The following USP36 variants were observed in gnomAD, a reference collection of about 807,000 sequenced individuals.
USP36 encodes the protein ubiquitin specific peptidase 36, also known as ubiquitin carboxyl-terminal hydrolase 36.
In USP36, 59 loss-of-function variants were observed where a neutral mutation model predicts 111.5. The ratio of observed to expected loss-of-function variants is 0.53; its 90% CI spans 0.43 to 0.66. The LOEUF is 0.66. Ranked by LOEUF, USP36 falls within the 30% of genes least tolerant of loss-of-function variation. USP36 has a pLI of 0.00. For missense variants in USP36, 1,488 were observed against 1,468.0 expected, an observed-to-expected ratio of 1.01 and a Z score of -0.22; for synonymous variants, 628 against 581.0, an observed-to-expected ratio of 1.08 and a Z score of -1.16.
chr17:78,828,041 T>C (rs532965149), intron 5 of USP36, among the ~76,000 whole-genome samples: 4 of 152,298 alleles, frequency 2.6e-5, no homozygotes, highest in African/African-American at 7.2e-5. Context: ...CTGGGCAACA[T>C]GGCCAGACCC....
In USP36 at chr17:78,824,492, G is replaced by A. The variant is rs149649666; in HGVS notation, c.690-2488C>T. On this transcript the variant is annotated intron_variant, in intron 6 of 20. Transcript: ENST00000449938. Reference sequence around the variant, plus strand: ...CCAGGAGGTGGAGCCTGCCGTGAGCGGAGATTGCACCACTGCACTCTAGCC... The same window carrying A: ...CCAGGAGGTGGAGCCTGCCGTGAGCAGAGATTGCACCACTGCACTCTAGCC... 1.8e-3 allele frequency among the ~76,000 whole-genome samples: 278 copies of A among 152,202 alleles called. 2 individuals carry two copies. The highest frequency in any genetic ancestry group is 6.2e-3 in the African/African-American group (256 of 41,544).
chr17:78,803,971 A>T lies in USP36; in HGVS notation c.2224T>A (p.Ser742Thr). The T allele has an allele frequency of 6.3e-7, 1 of 1,592,640 alleles. No homozygotes were observed. The highest frequency in any genetic ancestry group is 8.5e-7 in the Non-Finnish European group (1 of 1,173,704). Residue 742 changes from serine (S) to threonine (T), a missense_variant, in exon 16 of 21, where the codon TCA becomes ACA. Physicochemically the swap from Ser to Thr is moderately conservative, Grantham distance 58. This residue lies in a region of USP36 where 1,073 missense variants were observed against 994.1 expected (regional missense o/e 1.08). Coordinates refer to ENST00000449938, the MANE Select transcript of USP36 (RefSeq NM_001385174.1). The surrounding 1 kb of genome is among the most constrained non-coding windows in gnomAD (Gnocchi z 4.6). The part of the protein sequence containing the change: ...TWPVHRARAV[S>T]PAPQSSSRLQ... ...CGGCTGGATGATTGGGGAGCAGGTG[A>T]CACAGCCCTGTGGGGACAGCCAGGA...
At position 78,798,385 on chromosome 17, in the gene USP36, C is replaced by G. The variant is rs367602203; in HGVS notation, c.*20+15G>C. 187 of 1,613,196 alleles carry G rather than the reference C, an allele frequency of 1.2e-4. No homozygotes were observed. The highest frequency in any genetic ancestry group is 1.6e-4 in the Middle Eastern group (1 of 6,082). On this transcript the variant is annotated intron_variant, in intron 20 of 20. Transcript: ENST00000449938. The surrounding 1 kb of genome is among the most constrained non-coding windows in gnomAD (Gnocchi z 5.1). ...ACCCCCACCTCACCCTTACACCCAC[C>G]CCCTCGGAACCGACCTCCTTCCACA...
chr17:78,800,111 G>GA (rs1464618857), intron 17 of USP36, among the ~76,000 whole-genome samples: 1 of 141,784 alleles, frequency 7.1e-6, no homozygotes, highest in Non-Finnish European at 1.5e-5. Flanking sequence ...AGAAAACATG[G>GA]AAAATAACAA....
At chr17:78,806,928 C>T (rs773387266) in intron 14 of USP36, 31 bp downstream of exon 14, 3 of 1,606,346 alleles carry the variant, frequency 1.9e-6, no homozygotes, top group Non-Finnish European at 2.6e-6. Flanking sequence ...TCTCCTGATA[C>T]ACAGCAGCGG....
In USP36 at chr17:78,813,811, C is replaced by T; in HGVS notation, c.1227G>A (p.Val409=). The change falls in exon 12 of 21, where the codon GTG becomes GTA. Residue 409 remains valine, a synonymous_variant. Transcript: ENST00000449938. ...GCACGTAGGCCTGCTGGTTCAGAAC[C>T]ACCTTGACGTTGCTGGAATGGACCA... ...DSLVHSSNVK[V]VLNQQAYVLF... is the part of the protein sequence containing the mutation. 1.9e-6 allele frequency: 3 copies of T among 1,614,150 alleles called. No individual in the cohort carries two copies. The highest frequency in any genetic ancestry group is 8.5e-7 in the Non-Finnish European group (1 of 1,180,008).
chr17:78,832,293 C>T lies in USP36; in HGVS notation c.475+2987G>A, dbSNP rs548354148. 3.9e-5 allele frequency among the ~76,000 whole-genome samples: 6 copies of T among 152,334 alleles called. No individual in the cohort carries two copies. In the East Asian group the frequency reaches 1.2e-3, roughly 29 times the overall value. On this transcript the variant is annotated intron_variant, in intron 4 of 20. Transcript: ENST00000449938. The stretch of plus-strand genomic sequence containing the variant: ...AGTGGACCCTCGTCAGAACAAACAC[C>T]CCTTAGGATCCTCAACTCTTCAAAT...
intron 13 of USP36, among the ~76,000 whole-genome samples, chr17:78,811,130 CAAAAAAAAAA>C (rs969048033): frequency 3.5e-5 from 1 of 28,350 alleles, no homozygotes; most frequent in Non-Finnish European, 7.5e-5. Flanking sequence ...GACTCTGTCT[CAAAAAAAAAA>C]AAAAAAAAAA....
At chr17:78,804,993 G>A (rs1041833907) in intron 15 of USP36, among the ~76,000 whole-genome samples, 2 of 152,126 alleles carry the variant, frequency 1.3e-5, no homozygotes, top group African/African-American at 4.8e-5. Flanking sequence ...CGCTGAAACC[G>A]GGACACAGAT....
At chr17:78,788,761 G>A (rs773164578) in intron 3 of USP36, among the ~76,000 whole-genome samples, 11 of 152,078 alleles carry the variant, frequency 7.2e-5, no homozygotes, top group Admixed American at 1.3e-4. Flanking sequence ...CATCATCTAC[G>A]GCCTCCCCTC....
chr17:78,831,249 AAAAAG>A (rs2068073452), intron 4 of USP36, among the ~76,000 whole-genome samples: 4 of 148,840 alleles, frequency 2.7e-5, no homozygotes, highest in African/African-American at 9.9e-5. Context: ...AAAAAAAAAA[AAAAAG>A]GGACAACATA....
chr17:78,826,924 A>C (rs2067595156), intron 6 of USP36: 2 of 596,228 alleles, frequency 3.4e-6, no homozygotes, highest in Non-Finnish European at 6.0e-6. Context: ...TAAGAACTGA[A>C]TGCCCCTAAG....
chr17:78,803,279 G>C lies in USP36; in HGVS notation c.2810+106C>G. Reference sequence around the variant, plus strand: ...ACAAATCCACATTTTAGAAAACCACGCAAGCAGACTACGTTTCCAGACCAT... The same window carrying C: ...ACAAATCCACATTTTAGAAAACCACCCAAGCAGACTACGTTTCCAGACCAT... On this transcript the variant is annotated intron_variant, in intron 16 of 20. Transcript: ENST00000449938. This position sits in a 1 kb window ranked among gnomAD's most constrained non-coding sequence, Gnocchi z 4.6. 2.4e-6 allele frequency: 3 copies of C among 1,269,514 alleles called. No homozygotes were observed. In the South Asian group the frequency reaches 4.3e-5, roughly 18 times the overall value. 78.6% of individuals were successfully genotyped at this position (1,269,514 alleles called of 1,614,324 possible). A position where few individuals can be genotyped will look rare whatever the true frequency, so the allele number is the denominator to read the frequency against.
intron 1 of USP36, among the ~76,000 whole-genome samples, chr17:78,840,169 G>A (rs1316237089): frequency 6.6e-6 from 1 of 152,180 alleles, no homozygotes; most frequent in Non-Finnish European, 1.5e-5. Context: ...ACGTAAACGG[G>A]GGCGCGCGGA....
chr17:78,841,277 G>T (rs2069265994), upstream of USP36: 1 of 152,344 alleles, frequency 6.6e-6, no homozygotes, highest in Admixed American at 6.5e-5. Context: ...CTGGCCGTCA[G>T]GTGGCTGTGG....
At position 78,803,934 on chromosome 17, in the gene USP36, G is replaced by A. The variant is rs1598987164; in HGVS notation, c.2261C>T (p.Pro754Leu). The A allele has an allele frequency of 1.2e-6, 2 of 1,604,080 alleles. No individual in the cohort carries two copies. Among genetic ancestry groups the A allele is most frequent in the Non-Finnish European group, 1.7e-6 (2 of 1,177,216 alleles). Residue 754 changes from proline (P) to leucine (L), a missense_variant, in exon 16 of 21, where the codon CCC (proline) becomes CTC (leucine). By Grantham distance (98) the Pro-to-Leu change is moderately conservative (BLOSUM62 -3). Transcript: ENST00000449938. The surrounding 1 kb of genome is among the most constrained non-coding windows in gnomAD (Gnocchi z 4.6). ...APQSSSRLQPPFSPHPTLLSS... is the reference protein window; with the variant it reads ...APQSSSRLQPLFSPHPTLLSS... ...CAGCAATGTGGGGTGGGGGCTGAAG[G>A]GGGGTTGCAGGCGGCTGGATGATTG... is the stretch of plus-strand genomic sequence containing the variant.
In USP36 at chr17:78,812,799, G is replaced by T; in HGVS notation, c.1407+61C>A. Reference sequence around the variant, plus strand: ...CCACTGTGGCCAACTTCCCAAGTGTGAGGAGGTCTGTGAGGAGCACCAAGA... The same window carrying T: ...CCACTGTGGCCAACTTCCCAAGTGTTAGGAGGTCTGTGAGGAGCACCAAGA... On this transcript the variant is annotated intron_variant, in intron 13 of 20. Coordinates refer to ENST00000449938, the MANE Select transcript of USP36 (RefSeq NM_001385174.1). 2.5e-6 allele frequency: 4 copies of T among 1,589,972 alleles called. No individual in the cohort carries two copies. In the South Asian group the frequency reaches 3.3e-5, roughly 13 times the overall value.
chr17:78,823,985 A>G (rs1030573632), intron 6 of USP36, among the ~76,000 whole-genome samples: 1 of 152,230 alleles, frequency 6.6e-6, no homozygotes, highest in Admixed American at 6.5e-5. Context: ...ACCTCATGGG[A>G]TGCAAACTAG....
intron 3 of USP36, among the ~76,000 whole-genome samples, chr17:78,789,514 A>C (rs2093564744): frequency 6.6e-6 from 1 of 152,180 alleles, no homozygotes; most frequent in Non-Finnish European, 1.5e-5. Flanking sequence ...GAGAGGGTGG[A>C]GCCTGGTGAA....
Sources: gnomAD v4.1 joint callset for allele counts (sites outside exome capture counted in the v4.1 genomes callset) on GRCh38, gnomAD v4.1.1 for gene constraint, gnomAD v4.1.1 regional missense constraint, Gnocchi (gnomAD v3.1) non-coding constraint, MANE v1.5 for transcripts, NCBI Gene and HGNC (gene_info 2026-07-23, HGNC 2026-07-21) for gene names.